The following CMTM3 variants were observed in gnomAD, a reference collection of about 807,000 sequenced individuals.
The protein encoded by CMTM3 is CKLF-like MARVEL transmembrane domain-containing protein 3.
In CMTM3, 7 loss-of-function variants were observed where a neutral mutation model predicts 18.2. The observed-to-expected ratio is 0.38, with a 90% CI of 0.22 to 0.72. The LOEUF (loss-of-function observed/expected upper bound fraction) is 0.72, where lower values mean the gene tolerates loss of function less well. Ranked by LOEUF, CMTM3 falls within the 30% of genes least tolerant of loss-of-function variation. CMTM3 has a pLI of 0.46. For synonymous variants in CMTM3, 109 were observed against 111.2 expected (o/e 0.98, Z 0.12); for missense variants, 227 against 249.2 (o/e 0.91, Z 0.60).
chr16:66,611,552 A>G (rs1053403906), intron 4 of CMTM3, among the ~76,000 whole-genome samples: 1 of 152,038 alleles, frequency 6.6e-6, no homozygotes, highest in Non-Finnish European at 1.5e-5. Context: ...GGCTGCCCAC[A>G]CCCCAGCCCT....
At chr16:66,611,853 A>G (rs927608684) in intron 4 of CMTM3, among the ~76,000 whole-genome samples, 1 of 151,850 alleles carries the variant, frequency 6.6e-6, no homozygotes, top group African/African-American at 2.4e-5. Flanking sequence ...GGGGAGGGGG[A>G]TTGAAGATAT....
chr16:66,612,868 C>T lies in CMTM3; in HGVS notation c.*231C>T, dbSNP rs1297129157. The T allele has an allele frequency of 3.3e-6, 2 of 610,394 alleles. No homozygotes were observed. The highest frequency in any genetic ancestry group is 5.9e-6 in the Non-Finnish European group (2 of 341,388). The allele number at this position is 610,394 out of a possible 1,614,324, so 37.8% of individuals were successfully genotyped here. On this transcript the variant is annotated 3_prime_UTR_variant, in exon 5 of 5. Coordinates refer to ENST00000567572, the MANE Select transcript of CMTM3 (RefSeq NM_181553.4). This position sits in a 1 kb window ranked among gnomAD's most constrained non-coding sequence, Gnocchi z 6.0. ...ATGAGGGCATCTTGGGTATCCCACT[C>T]CTTCTCCCCATTTCTGTCCCACAGG...
chr16:66,610,347 C>G lies in CMTM3; in HGVS notation c.520+344C>G, dbSNP rs566808705. Among the ~76,000 whole-genome samples, 26 of 152,288 alleles carry G rather than the reference C, an allele frequency of 1.7e-4. No individual in the cohort carries two copies. The highest frequency in any genetic ancestry group is 5.8e-4 in the African/African-American group (24 of 41,554). ...GAGTGGCCATCCCCCAAACCCAGCC[C>G]CTCTGCTGTCTTACCCATCCAGGCC... On this transcript the variant is annotated intron_variant, in intron 4 of 4. Transcript: ENST00000567572. This position sits in a 1 kb window ranked among gnomAD's most constrained non-coding sequence, Gnocchi z 4.6.
upstream of CMTM3, chr16:66,604,546 G>T: frequency 3.3e-6 from 1 of 301,194 alleles, no homozygotes; most frequent in Non-Finnish European, 6.1e-6. Context: ...GAACCAGGGT[G>T]AAGAAGAAGG....
Position 66,609,699 on chromosome 16 carries a change from T to C in CMTM3, c.399+169T>C. 5.2e-6 allele frequency: 8 copies of C among 1,547,034 alleles called. No homozygotes were observed. In the South Asian group the frequency reaches 9.4e-5, roughly 18 times the overall value. On this transcript the variant is annotated intron_variant, in intron 3 of 4. Transcript: ENST00000567572. This position sits in a 1 kb window ranked among gnomAD's most constrained non-coding sequence, Gnocchi z 4.4. ...TTAAAGACTGACTCTACCCGGGGTT[T>C]TGAAAGGCTGTTTGTCAAACCAAGT...
chr16:66,604,689 G>A, upstream of CMTM3: 7 of 787,480 alleles, frequency 8.9e-6, no homozygotes, highest in Non-Finnish European at 1.2e-5. Context: ...CGGGGGATGC[G>A]CCCCTGCGCG....
rs1242246992 is a variant in CMTM3, at chr16:66,610,605, G to A, written c.520+602G>A. Among the ~76,000 whole-genome samples, 1 of 152,224 alleles carries A rather than the reference G, an allele frequency of 6.6e-6. No individual in the cohort carries two copies. The highest frequency in any genetic ancestry group is 1.5e-5 in the Non-Finnish European group (1 of 68,046). Reference sequence around the variant, plus strand: ...TGGGTACTGACAGATGGCAGTAGAGGAGTGTGCAGGCAGAAGAGACCAGGC... The same window carrying A: ...TGGGTACTGACAGATGGCAGTAGAGAAGTGTGCAGGCAGAAGAGACCAGGC... On this transcript the variant is annotated intron_variant, in intron 4 of 4. Transcript: ENST00000567572. The surrounding 1 kb of genome is among the most constrained non-coding windows in gnomAD (Gnocchi z 4.6).
Position 66,612,383 on chromosome 16 carries a change from AAAC to A in CMTM3, c.521-217_521-215del, listed in dbSNP as rs1170646476. Among the ~76,000 whole-genome samples the A allele has an allele frequency of 1.3e-5, 2 of 152,070 alleles. No homozygotes were observed. Among genetic ancestry groups the A allele is most frequent in the Admixed American group, 6.5e-5 (1 of 15,280 alleles). ...AGCAAGACTCTGTCTCAAAGACAAA[AAAC>A]AACAACAAAAAAAAAAGAGAGAGAG... On this transcript the variant is annotated intron_variant, in intron 4 of 4. Transcript: ENST00000567572. This position sits in a 1 kb window ranked among gnomAD's most constrained non-coding sequence, Gnocchi z 6.0.
chr16:66,606,838 A>C (rs1435974723), intron 1 of CMTM3, among the ~76,000 whole-genome samples: 1 of 152,118 alleles, frequency 6.6e-6, no homozygotes, highest in Non-Finnish European at 1.5e-5. Context: ...ACTAAAAATA[A>C]AAAAATTAGC....
At chr16:66,604,673 T>A, upstream of CMTM3, 1 of 597,964 alleles carries the variant, frequency 1.7e-6, no homozygotes, top group Non-Finnish European at 2.2e-6. Context: ...GGGCGGGGCG[T>A]GGCGGCGGGG....
upstream of CMTM3, chr16:66,604,126 T>TGCGC (rs112822114): frequency 4.6e-5 from 7 of 152,160 alleles, no homozygotes; most frequent in East Asian, 2.0e-4. Context: ...TGTGTGTGTT[T>TGCGC]GCGCGCGCGC....
chr16:66,608,343 C>T lies in CMTM3; in HGVS notation c.182C>T (p.Ala61Val), dbSNP rs201311207. 1.6e-4 allele frequency: 264 copies of T among 1,614,084 alleles called. No individual in the cohort carries two copies. The highest frequency in any genetic ancestry group is 2.1e-4 in the Non-Finnish European group (244 of 1,180,042). The change falls in exon 2 of 5, where the codon GCG becomes GTG. Residue 61 changes from alanine (A) to valine (V), a missense_variant. By Grantham distance (64) the Ala-to-Val change is moderately conservative (BLOSUM62 0). Transcript: ENST00000567572. This position sits in a 1 kb window ranked among gnomAD's most constrained non-coding sequence, Gnocchi z 5.1. ...LSFITFICYVASSASAFLTAP... is the reference protein window; with the variant it reads ...LSFITFICYVVSSASAFLTAP... ...TTCATCACTTTTATCTGCTATGTGG[C>T]GTCCTCAGCATCTGCCTTCCTCACA...
Position 66,613,180 on chromosome 16 carries a change from G to C in CMTM3, c.*543G>C. 4.3e-6 allele frequency: 3 copies of C among 701,348 alleles called. No homozygotes were observed. In the East Asian group the frequency reaches 8.1e-5, roughly 19 times the overall value. 43.4% of individuals were successfully genotyped at this position (701,348 alleles called of 1,614,324 possible). A position where few individuals can be genotyped will look rare whatever the true frequency, so the allele number is the denominator to read the frequency against. ...CAGTTCCCTCTTCATTCTTGAAGCAGGGAGAAATTGACCTTTGCCTTGTCG... is the reference window on the plus strand; with the variant it reads ...CAGTTCCCTCTTCATTCTTGAAGCACGGAGAAATTGACCTTTGCCTTGTCG... On this transcript the variant is annotated 3_prime_UTR_variant, in exon 5 of 5. Coordinates refer to ENST00000567572, the MANE Select transcript of CMTM3 (RefSeq NM_181553.4).
intron 1 of CMTM3, among the ~76,000 whole-genome samples, chr16:66,606,555 T>G (rs2015161564): frequency 6.6e-6 from 1 of 152,140 alleles, no homozygotes; most frequent in African/African-American, 2.4e-5. Context: ...GCCACAGTGC[T>G]TCCTGTGGGG....
Position 66,608,744 on chromosome 16 carries a change from C to T in CMTM3, c.303+280C>T, listed in dbSNP as rs1042441043. Among the ~76,000 whole-genome samples the T allele has an allele frequency of 1.1e-4, 17 of 152,178 alleles. No homozygotes were observed. The highest frequency in any genetic ancestry group is 4.1e-4 in the African/African-American group (17 of 41,452). On this transcript the variant is annotated intron_variant, in intron 2 of 4. Transcript: ENST00000567572. This position sits in a 1 kb window ranked among gnomAD's most constrained non-coding sequence, Gnocchi z 5.1. ...GGTGGCGCCGGTGCTCCCCACCGGG[C>T]CTACAGGAATGAGCTGCCGCCACAG...
In CMTM3 at chr16:66,613,122, G is replaced by C; in HGVS notation, c.*485G>C. The C allele has an allele frequency of 1.4e-6, 1 of 703,054 alleles. No individual in the cohort carries two copies. Among genetic ancestry groups the C allele is most frequent in the East Asian group, 2.7e-5 (1 of 37,290 alleles). 43.6% of individuals were successfully genotyped at this position (703,054 alleles called of 1,614,324 possible). On this transcript the variant is annotated 3_prime_UTR_variant, in exon 5 of 5. Coordinates refer to ENST00000567572, the MANE Select transcript of CMTM3 (RefSeq NM_181553.4). ...CCACACCAGCCACTTTGGTGACAAT[G>C]ACCCTTCCAAGAATCTTTGGTTCAA...
In CMTM3 at chr16:66,608,843, C is replaced by T. The variant is rs1597208251; in HGVS notation, c.303+379C>T. 6.6e-6 allele frequency among the ~76,000 whole-genome samples: 1 copy of T among 152,230 alleles called. No homozygotes were observed. The highest frequency in any genetic ancestry group is 1.5e-5 in the Non-Finnish European group (1 of 68,040). ...CAGGGCTTACCCAGACTTCAGCCAT[C>T]GGCAACCCTGACCTCGTTTTATCAC... is the stretch of plus-strand genomic sequence containing the variant. On this transcript the variant is annotated intron_variant, in intron 2 of 4. Coordinates refer to ENST00000567572, the MANE Select transcript of CMTM3 (RefSeq NM_181553.4). The surrounding 1 kb of genome is among the most constrained non-coding windows in gnomAD (Gnocchi z 5.1).
In CMTM3 at chr16:66,610,261, C is replaced by A. The variant is rs1252164778; in HGVS notation, c.520+258C>A. ...TGAGCCTCAGGCCAGGCCGGCAAGT[C>A]TCCCTGGACGACCCCCCTGGGCAGC... On this transcript the variant is annotated intron_variant, in intron 4 of 4. Coordinates refer to ENST00000567572, the MANE Select transcript of CMTM3 (RefSeq NM_181553.4). The surrounding 1 kb of genome is among the most constrained non-coding windows in gnomAD (Gnocchi z 4.6). Among the ~76,000 whole-genome samples, 3 of 152,086 alleles carry A rather than the reference C, an allele frequency of 2.0e-5. No individual in the cohort carries two copies. The highest frequency in any genetic ancestry group is 7.2e-5 in the African/African-American group (3 of 41,404).
chr16:66,604,703 C>T, upstream of CMTM3: 1 of 913,656 alleles, frequency 1.1e-6, no homozygotes, highest in South Asian at 5.3e-5. Flanking sequence ...CTGCGCGAGC[C>T]AGTGTCGCCT....
Sources: gnomAD v4.1 joint callset for allele counts (sites outside exome capture counted in the v4.1 genomes callset) on GRCh38, gnomAD v4.1.1 for gene constraint, Gnocchi (gnomAD v3.1) non-coding constraint, MANE v1.5 for transcripts, NCBI Gene and HGNC (gene_info 2026-07-23, HGNC 2026-07-21) for gene names.